The following TMEM181 variants were observed in gnomAD, a reference collection of about 807,000 sequenced individuals.
The protein encoded by TMEM181 is G protein-coupled receptor 178.
In TMEM181, 39 loss-of-function variants were observed where a neutral mutation model predicts 71.9. That is an observed-to-expected ratio of 0.54 (90% CI 0.42 to 0.71). The LOEUF is 0.71. Ranked by LOEUF, TMEM181 falls within the 30% of genes least tolerant of loss-of-function variation. The probability of loss-of-function intolerance (pLI) is 0.00; values close to 1 mark genes in which losing one functional copy is unlikely to be tolerated. For missense variants in TMEM181, 595 were observed against 583.0 expected (o/e 1.02, Z -0.21); for synonymous variants, 245 against 228.8 (o/e 1.07, Z -0.64).
At chr6:158,595,543 G>A (rs1562296985) in intron 6 of TMEM181, among the ~76,000 whole-genome samples, 1 of 152,222 alleles carries the variant, frequency 6.6e-6, no homozygotes, top group Non-Finnish European at 1.5e-5. Flanking sequence ...TATACTAGCA[G>A]CAAAATGAGT....
intron 1 of TMEM181, among the ~76,000 whole-genome samples, chr6:158,569,609 T>C (rs1333929821): frequency 6.6e-6 from 1 of 151,918 alleles, no homozygotes; most frequent in African/African-American, 2.4e-5. Flanking sequence ...TTTTTTTTTT[T>C]TTTTAAATTG....
chr6:158,631,893 C>T lies in TMEM181; in HGVS notation c.*5C>T, dbSNP rs189102191. ...GAGGAGTCAGATAGTGACTGAGCCC[C>T]GGCCAGCCCAGCGAGGCGACAAGAT... On this transcript the variant is annotated 3_prime_UTR_variant, in exon 17 of 17. Transcript: ENST00000684151. The T allele has an allele frequency of 5.4e-5, 85 of 1,583,468 alleles. No individual in the cohort carries two copies. In the East Asian group the frequency reaches 1.1e-3, roughly 20 times the overall value.
At chr6:158,556,438 T>G (rs1256899287), upstream of TMEM181, among the ~76,000 whole-genome samples, 3 of 152,206 alleles carry the variant, frequency 2.0e-5, no homozygotes, top group Admixed American at 1.3e-4. Context: ...GAATAGGGCA[T>G]TGCAATGGGA....
At chr6:158,614,461 A>G (rs1785498628) in intron 10 of TMEM181, among the ~76,000 whole-genome samples, 1 of 144,788 alleles carries the variant, frequency 6.9e-6, no homozygotes, top group Non-Finnish European at 1.5e-5. Flanking sequence ...TTTTAATGAA[A>G]CCTTATAGAC....
At chr6:158,618,062 A>G (rs1178923271) in intron 10 of TMEM181, among the ~76,000 whole-genome samples, 1 of 152,102 alleles carries the variant, frequency 6.6e-6, no homozygotes, top group African/African-American at 2.4e-5. Context: ...TGATCTGTCT[A>G]ATGTTGACAG....
chr6:158,554,190 A>C (rs113825206), intron 1 of TMEM181, among the ~76,000 whole-genome samples: 1 of 151,780 alleles, frequency 6.6e-6, no homozygotes, highest in Non-Finnish European at 1.5e-5. Flanking sequence ...GGTTCAAGTG[A>C]TTCTCCTGCC....
At chr6:158,603,003 T>TC (rs1784751839) in intron 6 of TMEM181, among the ~76,000 whole-genome samples, 1 of 152,194 alleles carries the variant, frequency 6.6e-6, no homozygotes, top group African/African-American at 2.4e-5. Flanking sequence ...TTCTTCCCTC[T>TC]CCCCACCCCC....
At chr6:158,625,616 T>C in intron 12 of TMEM181, 87 bp from the exon 13 acceptor site, 1 of 1,225,366 alleles carries the variant, frequency 8.2e-7, no homozygotes, top group Admixed American at 2.3e-5. Context: ...CCAAAGAGCT[T>C]TGCTTAATTT....
intron 5 of TMEM181, among the ~76,000 whole-genome samples, chr6:158,587,195 G>A (rs1463341946): frequency 3.3e-5 from 5 of 152,190 alleles, no homozygotes; most frequent in African/African-American, 1.2e-4. Context: ...CAAGTGGGTT[G>A]CCCTACCTAA....
At chr6:158,579,068 A>G (rs376555741) in intron 2 of TMEM181, among the ~76,000 whole-genome samples, 17 of 151,624 alleles carry the variant, frequency 1.1e-4, no homozygotes, top group African/African-American at 4.1e-4. Context: ...ATTCCAGCCT[A>G]ACCAACATGG....
Position 158,594,111 on chromosome 6 carries a change from T to C in TMEM181, c.492+4329T>C, listed in dbSNP as rs551241961. ...TCCATGGTTTTGCCTTTTTTTTTTT[T>C]TTTTTTTTTCTGAGACAGAGTCTGT... On this transcript the variant is annotated intron_variant, in intron 6 of 16. Coordinates refer to ENST00000684151, the MANE Select transcript of TMEM181 (RefSeq NM_001376852.1). Among the ~76,000 whole-genome samples, 55 of 149,634 alleles carry C rather than the reference T, an allele frequency of 3.7e-4. 1 individual carries two copies. The highest frequency in any genetic ancestry group is 1.7e-3 in the South Asian group (8 of 4,670).
Position 158,607,310 on chromosome 6 carries a change from T to C in TMEM181, c.640T>C (p.Ser214Pro). Residue 214 changes from serine to proline, a missense_variant, in exon 8 of 17, where the codon TCT (serine) becomes CCT (proline). Ser to Pro is a moderately conservative substitution (Grantham distance 74). Transcript: ENST00000684151. ...RDWGIEQKWM[S>P]VLLPLLLLYN... is the part of the protein sequence containing the mutation. ...CTGGGGCATCGAGCAGAAGTGGATG[T>C]CTGTTCTCCTGCCTCTGCTGCTACT... 1 of 1,614,224 alleles carries C rather than the reference T, an allele frequency of 6.2e-7. No individual in the cohort carries two copies. Among genetic ancestry groups the C allele is most frequent in the Non-Finnish European group, 8.5e-7 (1 of 1,180,046 alleles).
Position 158,625,348 on chromosome 6 carries a change from A to G in TMEM181, c.1057+142A>G, listed in dbSNP as rs1167209236. The G allele has an allele frequency of 9.6e-6, 7 of 726,282 alleles. No individual in the cohort carries two copies. The East Asian group carries it at 1.5e-4, about 16-fold the overall frequency. 45.0% of individuals were successfully genotyped at this position (726,282 alleles called of 1,614,324 possible). A position where few individuals can be genotyped will look rare whatever the true frequency, so the allele number is the denominator to read the frequency against. On this transcript the variant is annotated intron_variant, in intron 12 of 16. Coordinates refer to ENST00000684151, the MANE Select transcript of TMEM181 (RefSeq NM_001376852.1). ...ATTCCCACAGGCTGGGGACCAGGGCACGTGGTCCCTGGGAGCCACAACAGG... is the reference window on the plus strand; with the variant it reads ...ATTCCCACAGGCTGGGGACCAGGGCGCGTGGTCCCTGGGAGCCACAACAGG...
chr6:158,623,027 T>C (rs1786055802), intron 10 of TMEM181, among the ~76,000 whole-genome samples: 1 of 152,182 alleles, frequency 6.6e-6, no homozygotes, highest in African/African-American at 2.4e-5. Flanking sequence ...GTAGCTCCGT[T>C]TCCAGGTGTG....
Position 158,589,025 on chromosome 6 carries a change from G to A in TMEM181, c.382-647G>A, listed in dbSNP as rs151164251. Among the ~76,000 whole-genome samples the A allele has an allele frequency of 3.2e-4, 48 of 152,306 alleles. 1 individual carries two copies. The East Asian group carries it at 8.9e-3, about 28-fold the overall frequency. The stretch of plus-strand genomic sequence containing the variant: ...GAGGGTTTGTCCTCCCTGCCACTCC[G>A]GAAGGGGATAACAAAGCAGAAGAGA... On this transcript the variant is annotated intron_variant, in intron 5 of 16. Transcript: ENST00000684151.
chr6:158,568,366 C>T (rs1057321992), intron 1 of TMEM181, among the ~76,000 whole-genome samples: 8 of 151,918 alleles, frequency 5.3e-5, no homozygotes, highest in Non-Finnish European at 1.2e-4. Context: ...GAGGATGGCT[C>T]CTGAAGGCAG....
chr6:158,590,643 T>C (rs866038054), intron 6 of TMEM181, among the ~76,000 whole-genome samples: 1 of 152,216 alleles, frequency 6.6e-6, no homozygotes, highest in African/African-American at 2.4e-5. Context: ...TTTGTATTTT[T>C]AGTAGAGACA....
At chr6:158,594,795 C>T (rs1784303517) in intron 6 of TMEM181, among the ~76,000 whole-genome samples, 1 of 152,322 alleles carries the variant, frequency 6.6e-6, no homozygotes. Flanking sequence ...TCAAGCGATT[C>T]TCCTGCCTCA....
chr6:158,545,397 C>T (rs1306234674), intron 1 of TMEM181, among the ~76,000 whole-genome samples: 2 of 152,262 alleles, frequency 1.3e-5, no homozygotes, highest in Non-Finnish European at 1.5e-5. Context: ...AGTGACGGAT[C>T]TCGCTGGAGC....
Sources: gnomAD v4.1 joint callset for allele counts (sites outside exome capture counted in the v4.1 genomes callset) on GRCh38, gnomAD v4.1.1 for gene constraint, MANE v1.5 for transcripts, NCBI Gene and HGNC (gene_info 2026-07-23, HGNC 2026-07-21) for gene names.